Variants in ATP10A observed in about 807,000 individuals in gnomAD.
The protein encoded by ATP10A is phospholipid-transporting ATPase VA.
A neutral mutation model predicts 147.8 loss-of-function variants in ATP10A; 111 were observed. That is an observed-to-expected ratio of 0.75 (90% confidence interval 0.64 to 0.88). The LOEUF (loss-of-function observed/expected upper bound fraction) is 0.88, where lower values mean the gene tolerates loss of function less well. Among genes scored for constraint, ATP10A ranks in the 40% least tolerant of loss-of-function variants. The probability of loss-of-function intolerance (pLI) is 0.00; values close to 1 mark genes in which losing one functional copy is unlikely to be tolerated. For missense variants in ATP10A, 1,927 were observed against 1,959.0 expected (o/e 0.98, Z 0.31); for synonymous variants, 875 against 841.6 (o/e 1.04, Z -0.69).
chr15:25,823,668 G>C (rs898692153), intron 1 of ATP10A, among the ~76,000 whole-genome samples: 1 of 152,130 alleles, frequency 6.6e-6, no homozygotes, highest in Non-Finnish European at 1.5e-5. Context: ...AACTATTGTT[G>C]ATCTTTAATT....
chr15:25,822,998 A>G (rs902940755), intron 1 of ATP10A, among the ~76,000 whole-genome samples: 1 of 152,178 alleles, frequency 6.6e-6, no homozygotes, highest in Admixed American at 6.5e-5. Context: ...AAGGACATGA[A>G]AAAAATAAGA....
At chr15:25,797,578 G>A (rs1024862191) in intron 1 of ATP10A, among the ~76,000 whole-genome samples, 2 of 152,154 alleles carry the variant, frequency 1.3e-5, no homozygotes, top group Non-Finnish European at 2.9e-5. Context: ...GACATGACAC[G>A]CTCTGGGCTC....
intron 1 of ATP10A, among the ~76,000 whole-genome samples, chr15:25,829,992 G>A (rs900340834): frequency 6.6e-6 from 1 of 152,132 alleles, no homozygotes; most frequent in Non-Finnish European, 1.5e-5. Context: ...GCTAGGGGCC[G>A]GGGTGGAGGC....
intron 2 of ATP10A, among the ~76,000 whole-genome samples, chr15:25,760,874 C>T: frequency 6.6e-6 from 1 of 152,144 alleles, no homozygotes; most frequent in East Asian, 1.9e-4. Flanking sequence ...AAACATGTGC[C>T]TACCATATGT....
Position 25,679,935 on chromosome 15 carries a change from T to G in ATP10A, c.3906A>C (p.Thr1302=). 6.2e-7 allele frequency: 1 copy of G among 1,606,566 alleles called. No homozygotes were observed. Among genetic ancestry groups the G allele is most frequent in the East Asian group, 2.2e-5 (1 of 44,678 alleles). ...FRSLQGRVFP[T]QLQLARQLTR... is the part of the protein sequence containing the mutation. ...TCAACTGACGTGCCAGCTGAAGTTG[T>G]GTGGGGAAAACCCTCCCCTGGAGGG... The change falls in exon 21 of 21, where the codon ACA becomes ACC. Residue 1302 remains threonine, a synonymous_variant. Coordinates refer to ENST00000555815, the MANE Select transcript of ATP10A (RefSeq NM_024490.4).
intron 3 of ATP10A, 68 bp downstream of exon 3, chr15:25,735,988 A>G (rs1381627260): frequency 4.6e-6 from 6 of 1,311,484 alleles, no homozygotes; most frequent in Non-Finnish European, 6.6e-6. Context: ...ATAACTGAGA[A>G]TGTGTAAACA....
chr15:25,690,240 T>TAAA (rs35580193), intron 15 of ATP10A, among the ~76,000 whole-genome samples: 2 of 94,014 alleles, frequency 2.1e-5, no homozygotes, highest in African/African-American at 6.6e-5. Flanking sequence ...TCCTTTTTTT[T>TAAA]AAAAAAAAAA....
chr15:25,690,751 G>C (rs560497643), intron 15 of ATP10A, among the ~76,000 whole-genome samples: 24 of 152,312 alleles, frequency 1.6e-4, no homozygotes, highest in Non-Finnish European at 3.1e-4. Context: ...TGTGCAAGGT[G>C]CCACACTGGG....
chr15:25,743,077 G>C (rs1291077252), intron 2 of ATP10A, among the ~76,000 whole-genome samples: 2 of 152,160 alleles, frequency 1.3e-5, no homozygotes. Flanking sequence ...GCGTAAGAGG[G>C]GTCTGGAGCC....
intron 1 of ATP10A, among the ~76,000 whole-genome samples, chr15:25,797,150 C>T (rs1262508698): frequency 6.6e-6 from 1 of 152,066 alleles, no homozygotes; most frequent in African/African-American, 2.4e-5. Flanking sequence ...CTCTGGTAAC[C>T]CCCATTCTAC....
intron 2 of ATP10A, among the ~76,000 whole-genome samples, chr15:25,756,094 T>A (rs892240906): frequency 4.6e-5 from 7 of 152,226 alleles, no homozygotes; most frequent in African/African-American, 1.7e-4. Context: ...TAAGTTCTGT[T>A]CATTGTTTAC....
intron 9 of ATP10A, 44 bp downstream of exon 9, chr15:25,716,686 G>A (rs1901832723): frequency 1.3e-6 from 2 of 1,484,726 alleles, no homozygotes; most frequent in Non-Finnish European, 1.8e-6. Flanking sequence ...ATGGCCCGCA[G>A]CGCAGAAGGT....
chr15:25,861,086 A>G (rs7166725), intron 1 of ATP10A, among the ~76,000 whole-genome samples: 48,534 of 152,048 alleles, frequency 0.32, 12,776 homozygotes, highest in African/African-American at 0.73. Context: ...AGGAAATCCC[A>G]CAGCCCGGTC....
At chr15:25,781,517 C>T (rs557625988) in intron 1 of ATP10A, among the ~76,000 whole-genome samples, 14 of 151,826 alleles carry the variant, frequency 9.2e-5, no homozygotes, top group East Asian at 7.8e-4. Flanking sequence ...TAGCCGGGTG[C>T]GGTGGTGCGT....
intron 4 of ATP10A, among the ~76,000 whole-genome samples, chr15:25,726,774 G>A (rs1328470293): frequency 2.0e-5 from 3 of 151,388 alleles, no homozygotes; most frequent in East Asian, 2.0e-4. Context: ...GAGGGAGGCC[G>A]GGCACGGTGA....
At chr15:25,753,709 G>C (rs1433087830) in intron 2 of ATP10A, among the ~76,000 whole-genome samples, 3 of 150,410 alleles carry the variant, frequency 2.0e-5, no homozygotes, top group African/African-American at 7.3e-5. Flanking sequence ...CATAAATAAA[G>C]GGCTGCAGTT....
chr15:25,843,593 C>T (rs1287888345), intron 1 of ATP10A, among the ~76,000 whole-genome samples: 1 of 152,144 alleles, frequency 6.6e-6, no homozygotes, highest in Non-Finnish European at 1.5e-5. Flanking sequence ...TCTTAGACAC[C>T]TATGAGTGAA....
At chr15:25,724,734 C>T (rs1902441134) in intron 5 of ATP10A, among the ~76,000 whole-genome samples, 1 of 152,184 alleles carries the variant, frequency 6.6e-6, no homozygotes, top group African/African-American at 2.4e-5. Context: ...GATACTTCTT[C>T]CCCTGGAATT....
chr15:25,714,891 T>C (rs1901686460), intron 9 of ATP10A, among the ~76,000 whole-genome samples: 1 of 151,566 alleles, frequency 6.6e-6, no homozygotes, highest in South Asian at 2.1e-4. Context: ...TTAAATACAC[T>C]GACAAATTGA....
Sources: gnomAD v4.1 joint callset for allele counts (sites outside exome capture counted in the v4.1 genomes callset) on GRCh38, gnomAD v4.1.1 for gene constraint, MANE v1.5 for transcripts, NCBI Gene and HGNC (gene_info 2026-07-23, HGNC 2026-07-21) for gene names.